TEK: variants seen among roughly 807,000 people sequenced by gnomAD.
TEK encodes TEK receptor tyrosine kinase.
In TEK, 43 loss-of-function variants were observed where a neutral mutation model predicts 131.8. The observed-to-expected ratio is 0.33, with a 90% CI of 0.26 to 0.42. The LOEUF (loss-of-function observed/expected upper bound fraction) is 0.42, where lower values mean the gene tolerates loss of function less well. Among genes scored for constraint, TEK ranks in the 10% least tolerant of loss-of-function variants. The pLI is 1.00. For synonymous variants in TEK, 580 were observed against 491.6 expected (o/e 1.18, Z -2.38); for missense variants, 1,162 against 1,384.4 (o/e 0.84, Z 2.55).
intron 1 of TEK, among the ~76,000 whole-genome samples, chr9:27,126,049 G>A (rs1477301472): frequency 6.6e-6 from 1 of 152,186 alleles, no homozygotes; most frequent in African/African-American, 2.4e-5. Flanking sequence ...TGGTGCTTAT[G>A]TTCTGTAAAC....
At chr9:27,141,537 G>A (rs1450001476) in intron 1 of TEK, among the ~76,000 whole-genome samples, 1 of 151,988 alleles carries the variant, frequency 6.6e-6, no homozygotes, top group Non-Finnish European at 1.5e-5. Context: ...TTTTCAAGAG[G>A]AACTTTGACT....
In TEK at chr9:27,169,396, G is replaced by A. The variant is rs1035642870; in HGVS notation, c.476-81G>A. On this transcript the variant is annotated intron_variant, in intron 3 of 22. Coordinates refer to ENST00000380036, the MANE Select transcript of TEK (RefSeq NM_000459.5). ...CATTTTCTTGACCATGTCAGGGAAA[G>A]CTAATTAAGTGGAGAAACCAGACAA... The A allele has an allele frequency of 3.0e-5, 47 of 1,586,344 alleles. No individual in the cohort carries two copies. The African/African-American group carries it at 5.2e-4, about 18-fold the overall frequency.
intron 6 of TEK, among the ~76,000 whole-genome samples, chr9:27,178,434 G>T (rs1358096065): frequency 6.6e-6 from 1 of 151,846 alleles, no homozygotes; most frequent in Non-Finnish European, 1.5e-5. Context: ...TATTGCTTTG[G>T]CTATTCTAGG....
chr9:27,164,434 C>G (rs921497777), intron 2 of TEK, among the ~76,000 whole-genome samples: 1 of 151,882 alleles, frequency 6.6e-6, no homozygotes, highest in Non-Finnish European at 1.5e-5. Context: ...ATTCTCCTGC[C>G]TAAGCCTCCT....
chr9:27,207,325 G>A (rs983422654), intron 15 of TEK, among the ~76,000 whole-genome samples: 5 of 152,156 alleles, frequency 3.3e-5, no homozygotes, highest in African/African-American at 9.7e-5. Flanking sequence ...GCATTCACTT[G>A]GGTTTCTTCT....
intron 2 of TEK, among the ~76,000 whole-genome samples, chr9:27,166,194 A>G (rs898003906): frequency 6.6e-6 from 1 of 152,198 alleles, no homozygotes; most frequent in African/African-American, 2.4e-5. Flanking sequence ...TTAATTTCTA[A>G]TTTAGGTGCA....
chr9:27,157,297 T>C (rs1823368318), intron 1 of TEK, among the ~76,000 whole-genome samples: 1 of 152,208 alleles, frequency 6.6e-6, no homozygotes. Context: ...AATGAGGCCC[T>C]GAGGGAAATG....
intron 2 of TEK, among the ~76,000 whole-genome samples, chr9:27,165,070 A>G (rs2131134559): frequency 6.6e-6 from 1 of 152,308 alleles, no homozygotes; most frequent in East Asian, 1.9e-4. Flanking sequence ...ATGCAGAGGT[A>G]AACTCTGGAC....
intron 16 of TEK, among the ~76,000 whole-genome samples, chr9:27,211,627 A>G (rs1054392691): frequency 6.6e-6 from 1 of 151,772 alleles, no homozygotes; most frequent in African/African-American, 2.4e-5. Flanking sequence ...TGCTTGGCTA[A>G]TTTTTATTTT....
At position 27,173,440 on chromosome 9, in the gene TEK, A is replaced by G. The variant is rs1164720517; in HGVS notation, c.901+78A>G. 8 of 1,582,634 alleles carry G rather than the reference A, an allele frequency of 5.1e-6. No homozygotes were observed. The South Asian group carries it at 7.8e-5, about 15-fold the overall frequency. On this transcript the variant is annotated intron_variant, in intron 6 of 22. Transcript: ENST00000380036. Reference sequence around the variant, plus strand: ...GAGATCCAGTTTGCTGTCAATCACAACATCGGATATACCTGGACTGCTTAG... The same window carrying G: ...GAGATCCAGTTTGCTGTCAATCACAGCATCGGATATACCTGGACTGCTTAG...
chr9:27,223,444 G>C (rs890599412), intron 21 of TEK, among the ~76,000 whole-genome samples: 16 of 152,176 alleles, frequency 1.1e-4, no homozygotes, highest in African/African-American at 3.6e-4. Context: ...AATCAAAGTA[G>C]AACTCAGGAT....
chr9:27,132,166 C>G (rs1055893749), intron 1 of TEK, among the ~76,000 whole-genome samples: 1 of 150,938 alleles, frequency 6.6e-6, no homozygotes, highest in Non-Finnish European at 1.5e-5. Flanking sequence ...TGGCTCACTG[C>G]AACCTCCATC....
chr9:27,152,894 C>T (rs1823183418), intron 1 of TEK, among the ~76,000 whole-genome samples: 1 of 151,916 alleles, frequency 6.6e-6, no homozygotes, highest in Non-Finnish European at 1.5e-5. Flanking sequence ...TTATTCATAG[C>T]AATATTGAAT....
chr9:27,211,924 A>G (rs995195014), intron 16 of TEK, among the ~76,000 whole-genome samples: 4 of 152,160 alleles, frequency 2.6e-5, no homozygotes, highest in South Asian at 4.1e-4. Context: ...AATTTTCGCA[A>G]GGGGATAATT....
intron 9 of TEK, among the ~76,000 whole-genome samples, chr9:27,186,830 T>A (rs1178258): frequency 0.091 from 13,911 of 152,230 alleles, 731 homozygotes; most frequent in Non-Finnish European, 0.11. Flanking sequence ...GAACATAATC[T>A]GTTTTTTAAA....
chr9:27,129,961 A>G (rs751723381), intron 1 of TEK, among the ~76,000 whole-genome samples: 3 of 152,210 alleles, frequency 2.0e-5, no homozygotes, highest in African/African-American at 7.2e-5. Flanking sequence ...TTTCACAGCA[A>G]AGTTTCATAA....
At chr9:27,179,651 C>T (rs1246932490) in intron 6 of TEK, among the ~76,000 whole-genome samples, 2 of 152,176 alleles carry the variant, frequency 1.3e-5, no homozygotes, top group Non-Finnish European at 2.9e-5. Context: ...TCAGGTCAAA[C>T]TCAGTTTAGT....
chr9:27,185,705 T>C (rs1824576284), intron 9 of TEK, 76 bp downstream of exon 9: 2 of 1,579,728 alleles, frequency 1.3e-6, no homozygotes, highest in Non-Finnish European at 8.7e-7. Context: ...TAGACAGAAA[T>C]GTATGCGACC....
chr9:27,195,760 A>G (rs1470734502), intron 11 of TEK: 2 of 448,898 alleles, frequency 4.5e-6, no homozygotes, highest in East Asian at 7.0e-5. Flanking sequence ...TTTCACATCC[A>G]TTTTCTCACT....
Sources: allele counts gnomAD v4.1 joint callset (sites outside exome capture counted in the v4.1 genomes callset), GRCh38; gene constraint gnomAD v4.1.1; transcripts MANE v1.5; gene names NCBI Gene and HGNC (gene_info 2026-07-23, HGNC 2026-07-21).